The following HLCS variants were observed in gnomAD, a reference collection of about 807,000 sequenced individuals.
HLCS encodes the protein holocarboxylase synthetase.
Under a neutral mutation model 75.0 loss-of-function variants are expected in HLCS, and 53 were observed. The observed-to-expected ratio is 0.71, with a 90% confidence interval of 0.57 to 0.89. The LOEUF is 0.89. Among genes scored for constraint, HLCS ranks in the 40% least tolerant of loss-of-function variants. HLCS has a pLI of 0.00. For synonymous variants in HLCS, 431 were observed against 428.6 expected, an observed-to-expected ratio of 1.01 and a Z score of -0.07; for missense variants, 966 against 1,074.0, an observed-to-expected ratio of 0.90 and a Z score of 1.41.
chr21:36,752,659 T>G lies in HLCS; in HGVS notation c.*1587A>C, dbSNP rs536690378. On this transcript the variant is annotated 3_prime_UTR_variant, in exon 11 of 11. Transcript: ENST00000674895. ...TTTTTTGTGTTTTTTGTTTGTTTGT[T>G]TTTTGAGAAAAATAATTCTAATTGA... 3 of 152,778 alleles carry G rather than the reference T, an allele frequency of 2.0e-5. No individual in the cohort carries two copies. In the South Asian group the frequency reaches 6.2e-4, roughly 32 times the overall value. 9.5% of individuals were successfully genotyped at this position (152,778 alleles called of 1,614,324 possible). A position where few individuals can be genotyped will look rare whatever the true frequency, so the allele number is the denominator to read the frequency against.
chr21:36,977,627 T>A (rs1394149737), intron 1 of HLCS, among the ~76,000 whole-genome samples: 2 of 152,220 alleles, frequency 1.3e-5, no homozygotes, highest in East Asian at 3.8e-4. Flanking sequence ...ATTGAGCCTG[T>A]GTGAGTTGCC....
intron 5 of HLCS, among the ~76,000 whole-genome samples, chr21:36,924,977 TA>T (rs925680369): frequency 2.6e-5 from 4 of 151,778 alleles, no homozygotes; most frequent in Non-Finnish European, 2.9e-5. Context: ...ATATACAATT[TA>T]AAAAAAAGTA....
chr21:36,903,438 T>A (rs8132874), intron 5 of HLCS, among the ~76,000 whole-genome samples: 231 of 152,060 alleles, frequency 1.5e-3, no homozygotes, highest in African/African-American at 5.4e-3. Context: ...TGTCACCAGG[T>A]CACCACACAG....
chr21:36,768,100 C>T (rs540358761), intron 6 of HLCS, among the ~76,000 whole-genome samples: 1 of 152,348 alleles, frequency 6.6e-6, no homozygotes, highest in Non-Finnish European at 1.5e-5. Context: ...CTCTACGTGC[C>T]CAGGAATTGC....
chr21:36,841,138 T>C (rs2146095336), intron 6 of HLCS, among the ~76,000 whole-genome samples: 1 of 152,316 alleles, frequency 6.6e-6, no homozygotes, highest in African/African-American at 2.4e-5. Context: ...ATTTAGTTCT[T>C]TTCCATCTTA....
At chr21:36,880,982 GTTTGTTTT>G (rs1371587864) in intron 6 of HLCS, among the ~76,000 whole-genome samples, 1 of 151,066 alleles carries the variant, frequency 6.6e-6, no homozygotes, top group African/African-American at 2.5e-5. Flanking sequence ...TTGTTTGTTT[GTTTGTTTT>G]GAGATAGAGT....
chr21:36,889,666 A>G (rs2064691055), intron 6 of HLCS, among the ~76,000 whole-genome samples: 1 of 152,172 alleles, frequency 6.6e-6, no homozygotes, highest in South Asian at 2.1e-4. Flanking sequence ...CATTTTGCAA[A>G]GGGATTCCTG....
intron 2 of HLCS, among the ~76,000 whole-genome samples, chr21:36,954,460 C>CA (rs1288887001): frequency 1.3e-4 from 20 of 148,604 alleles, no homozygotes; most frequent in Admixed American, 1.2e-3. Flanking sequence ...TAAAAAAATA[C>CA]AAAAAATTAA....
At chr21:36,777,267 A>G (rs1362776580) in intron 6 of HLCS, among the ~76,000 whole-genome samples, 1 of 152,084 alleles carries the variant, frequency 6.6e-6, no homozygotes, top group Non-Finnish European at 1.5e-5. Context: ...CCCCTCCCCG[A>G]ACCCTTTGGC....
chr21:36,892,236 C>G (rs758652949), intron 6 of HLCS, among the ~76,000 whole-genome samples: 1 of 152,238 alleles, frequency 6.6e-6, no homozygotes, highest in African/African-American at 2.4e-5. Context: ...GAAGCCCATC[C>G]TCTCCAGCAT....
intron 6 of HLCS, among the ~76,000 whole-genome samples, chr21:36,803,193 C>T (rs1255100657): frequency 6.6e-6 from 1 of 152,200 alleles, no homozygotes; most frequent in Non-Finnish European, 1.5e-5. Context: ...CTGTCTGGCA[C>T]ATCTTCTTCC....
chr21:36,988,810 T>C (rs146147453), intron 1 of HLCS, among the ~76,000 whole-genome samples: 12 of 152,248 alleles, frequency 7.9e-5, no homozygotes, highest in African/African-American at 2.9e-4. Flanking sequence ...CATCTTTTCA[T>C]TGAAGGGCCA....
chr21:36,924,756 CCCT>C (rs1423602668), intron 5 of HLCS, among the ~76,000 whole-genome samples: 2 of 152,110 alleles, frequency 1.3e-5, no homozygotes, highest in Non-Finnish European at 2.9e-5. Context: ...GAGGAATTAT[CCCT>C]CGTTTTCCAG....
At chr21:36,986,631 T>C (rs1263026461) in intron 1 of HLCS, 1 of 152,264 alleles carries the variant, frequency 6.6e-6, no homozygotes, top group Non-Finnish European at 1.5e-5. Flanking sequence ...TTGGTCAGGC[T>C]CAGGTGATCC....
chr21:36,937,438 C>G (rs2066947210), intron 3 of HLCS, 46 bp from the exon 4 acceptor site: 1 of 1,460,844 alleles, frequency 6.8e-7, no homozygotes, highest in African/African-American at 1.4e-5. Flanking sequence ...ATCAACACTT[C>G]TTGTATGACA....
chr21:36,876,799 G>A (rs1408062344), intron 6 of HLCS, among the ~76,000 whole-genome samples: 2 of 152,162 alleles, frequency 1.3e-5, no homozygotes, highest in African/African-American at 4.8e-5. Context: ...GATTATCTAT[G>A]TTTTTCATGA....
At chr21:36,972,931 TG>T (rs2068829970) in intron 1 of HLCS, among the ~76,000 whole-genome samples, 1 of 152,046 alleles carries the variant, frequency 6.6e-6, no homozygotes, top group Admixed American at 6.6e-5. Flanking sequence ...AAAAAGGACT[TG>T]GGGGCAGACA....
chr21:36,768,833 A>G (rs936132473), intron 6 of HLCS, among the ~76,000 whole-genome samples: 2 of 152,248 alleles, frequency 1.3e-5, no homozygotes, highest in African/African-American at 4.8e-5. Context: ...TTGGACCAGC[A>G]GAAAATCTAA....
At chr21:36,875,953 A>G (rs2063957249) in intron 6 of HLCS, among the ~76,000 whole-genome samples, 1 of 152,116 alleles carries the variant, frequency 6.6e-6, no homozygotes, top group Admixed American at 6.5e-5. Context: ...ATGCCACCAC[A>G]TTCCCCTTGT....
Sources: gnomAD v4.1 joint callset for allele counts (sites outside exome capture counted in the v4.1 genomes callset) on GRCh38, gnomAD v4.1.1 for gene constraint, MANE v1.5 for transcripts, NCBI Gene and HGNC (gene_info 2026-07-23, HGNC 2026-07-21) for gene names.